The following MYH7 variants were observed in gnomAD, a reference collection of about 807,000 sequenced individuals.
MYH7 encodes the protein myosin heavy chain 7.
Under a neutral mutation model 225.4 loss-of-function variants are expected in MYH7, and 129 were observed. The ratio of observed to expected loss-of-function variants is 0.57; its 90% CI spans 0.50 to 0.66. The LOEUF is 0.66. MYH7 is among the 30% of genes least tolerant of loss of function. MYH7 has a pLI of 0.00. For synonymous variants in MYH7, 971 were observed against 1,007.6 expected (o/e 0.96, Z 0.69); for missense variants, 1,649 against 2,517.0 (o/e 0.66, Z 7.38).
Position 23,417,337 on chromosome 14 carries a change from C to G in MYH7, c.4354-19G>C. 1 of 1,613,036 alleles carries G rather than the reference C, an allele frequency of 6.2e-7. No individual in the cohort carries two copies. Among genetic ancestry groups the G allele is most frequent in the Non-Finnish European group, 8.5e-7 (1 of 1,180,010 alleles). ...CCAGGATCTGCCCGGGGACAAGGCT[C>G]ACTCTTCAGCCCCCCAGCCTCAGCC... On this transcript the variant is annotated intron_variant, in intron 31 of 39. Coordinates refer to ENST00000355349, the MANE Select transcript of MYH7 (RefSeq NM_000257.4).
rs1419686110 is a variant in MYH7, at chr14:23,425,629, A to T, written c.2286+66T>A. 1 of 1,611,924 alleles carries T rather than the reference A, an allele frequency of 6.2e-7. No individual in the cohort carries two copies. The highest frequency in any genetic ancestry group is 2.2e-5 in the East Asian group (1 of 44,880). ...ATTTTGCTAAGATGATTACAACAGG[A>T]AAAGCATCAGAGGAGTCAATGGAAA... On this transcript the variant is annotated intron_variant, in intron 20 of 39. Coordinates refer to ENST00000355349, the MANE Select transcript of MYH7 (RefSeq NM_000257.4). This position sits in a 1 kb window ranked among gnomAD's most constrained non-coding sequence, Gnocchi z 4.6.
Position 23,415,329 on chromosome 14 carries a change from A to T in MYH7, c.5283+52T>A. 6.2e-7 allele frequency: 1 copy of T among 1,614,226 alleles called. No individual in the cohort carries two copies. The highest frequency in any genetic ancestry group is 1.1e-5 in the South Asian group (1 of 91,084). On this transcript the variant is annotated intron_variant, in intron 36 of 39. Coordinates refer to ENST00000355349, the MANE Select transcript of MYH7 (RefSeq NM_000257.4). The surrounding 1 kb of genome is among the most constrained non-coding windows in gnomAD (Gnocchi z 6.3). ...TCAAGTCCTCACACACTTGCTGCCCAGCCCACGGAGAGACACTGGTCTGGA... is the reference window on the plus strand; with the variant it reads ...TCAAGTCCTCACACACTTGCTGCCCTGCCCACGGAGAGACACTGGTCTGGA...
At chr14:23,417,369 C>G in intron 31 of MYH7, 51 bp from the exon 32 acceptor site, 1 of 1,612,146 alleles carries the variant, frequency 6.2e-7, no homozygotes. Context: ...AGCCCCATGT[C>G]CAGGGTCTGT....
chr14:23,430,821 T>C lies in MYH7; in HGVS notation c.895+80A>G. 2.3e-6 allele frequency: 3 copies of C among 1,325,326 alleles called. No homozygotes were observed. In the South Asian group the frequency reaches 3.5e-5, roughly 16 times the overall value. The allele number at this position is 1,325,326 out of a possible 1,614,324, so 82.1% of individuals were successfully genotyped here. A position where few individuals can be genotyped will look rare whatever the true frequency, so the allele number is the denominator to read the frequency against. On this transcript the variant is annotated intron_variant, in intron 10 of 39. Coordinates refer to ENST00000355349, the MANE Select transcript of MYH7 (RefSeq NM_000257.4). The stretch of plus-strand genomic sequence containing the variant: ...CAGCAGTGCCATGAAACCCAGGGCA[T>C]GCCAGCTGAGTCCAGCCACAAGCAG...
At chr14:23,431,527 A>G (rs1221358270) in intron 8 of MYH7, 46 bp from the exon 9 acceptor site, 1 of 1,613,766 alleles carries the variant, frequency 6.2e-7, no homozygotes, top group Admixed American at 1.7e-5. Context: ...GAAGGCTCAT[A>G]TCTGAGACCA....
Position 23,415,908 on chromosome 14 carries a change from C to G in MYH7, c.4954-76G>C. 1.9e-6 allele frequency: 3 copies of G among 1,613,316 alleles called. No individual in the cohort carries two copies. Among genetic ancestry groups the G allele is most frequent in the Admixed American group, 3.3e-5 (2 of 59,894 alleles). On this transcript the variant is annotated intron_variant, in intron 34 of 39. Coordinates refer to ENST00000355349, the MANE Select transcript of MYH7 (RefSeq NM_000257.4). The surrounding 1 kb of genome is among the most constrained non-coding windows in gnomAD (Gnocchi z 6.3). The stretch of plus-strand genomic sequence containing the variant: ...CACTAAAGGCACCTGTCAGAGGTCC[C>G]TGCAGTAACCTAGGGGCAGGAGGAA...
chr14:23,416,963 C>G lies in MYH7; in HGVS notation c.4549G>C (p.Gly1517Arg). ...TCATGGATAGTCTTTCCGCTGGAACCCAACTGCTCAGTCAAGTCGGAGATC... is the reference window on the plus strand; with the variant it reads ...TCATGGATAGTCTTTCCGCTGGAACGCAACTGCTCAGTCAAGTCGGAGATC... ...EEISDLTEQL[G>R]SSGKTIHELE... The change falls in exon 33 of 40, where the codon GGT (glycine) becomes CGT (arginine). Residue 1517 changes from glycine to arginine, a missense_variant. Gly to Arg is a moderately radical substitution (Grantham distance 125). Transcript: ENST00000355349. 6.2e-7 allele frequency: 1 copy of G among 1,614,242 alleles called. No homozygotes were observed. The highest frequency in any genetic ancestry group is 8.5e-7 in the Non-Finnish European group (1 of 1,180,050).
intron 37 of MYH7, 91 bp from the exon 38 acceptor site, chr14:23,414,193 G>T: frequency 2.7e-6 from 3 of 1,099,116 alleles, no homozygotes; most frequent in South Asian, 1.3e-5. Flanking sequence ...CTGATATCCT[G>T]ACCCAATTCT....
chr14:23,423,436 AACACACACACACACACACAC>A (rs61677533), intron 24 of MYH7, 91 bp downstream of exon 24: 144 of 825,044 alleles, frequency 1.7e-4, no homozygotes, highest in East Asian at 1.5e-3. Context: ...CATAAACACA[AACACACACACACACACACAC>A]ACACACACAC....
chr14:23,415,433 G>T lies in MYH7; in HGVS notation c.5231C>A (p.Ala1744Glu), dbSNP rs752406339. ...LSQLQTEVEE[A>E]VQECRNAEEK... ...CTCAGCATTCCTGCACTCCTGCACT[G>T]CCTCCTCCACTTCAGTCTGGAGCTG... Residue 1744 changes from alanine (A) to glutamate (E), a missense_variant, in exon 36 of 40, where the codon GCA becomes GAA. Physicochemically the swap from Ala to Glu is moderately radical, Grantham distance 107 (BLOSUM62 -1). Coordinates refer to ENST00000355349, the MANE Select transcript of MYH7 (RefSeq NM_000257.4). The surrounding 1 kb of genome is among the most constrained non-coding windows in gnomAD (Gnocchi z 6.3). 1.2e-6 allele frequency: 2 copies of T among 1,614,230 alleles called. No homozygotes were observed. Among genetic ancestry groups the T allele is most frequent in the South Asian group, 2.2e-5 (2 of 91,078 alleles).
At chr14:23,418,072 G>T (rs966824686) in intron 30 of MYH7, 138 bp downstream of exon 30, 1 of 1,290,300 alleles carries the variant, frequency 7.8e-7, no homozygotes, top group Non-Finnish European at 1.1e-6. Context: ...GGAGAAGGAG[G>T]TGGGGCCGGG....
chr14:23,417,469 T>C, intron 31 of MYH7, 34 bp downstream of exon 31: 3 of 1,612,236 alleles, frequency 1.9e-6, no homozygotes, highest in Non-Finnish European at 2.5e-6. Context: ...CCCCTTGCCC[T>C]GCATGCTGGC....
At chr14:23,417,837 C>G in intron 30 of MYH7, 151 bp from the exon 31 acceptor site, 1 of 1,132,714 alleles carries the variant, frequency 8.8e-7, no homozygotes, top group Non-Finnish European at 1.3e-6. Flanking sequence ...CCGAGAACAT[C>G]AGGCAGAGGA....
At chr14:23,418,477 C>T (rs1892327277) in intron 29 of MYH7, 71 bp from the exon 30 acceptor site, 2 of 1,492,746 alleles carry the variant, frequency 1.3e-6, no homozygotes, top group South Asian at 1.3e-5. Flanking sequence ...TGCCCTTCTC[C>T]TCACCCCAAT....
At chr14:23,423,481 A>G (rs2138662078) in intron 24 of MYH7, 66 bp downstream of exon 24, 1 of 1,554,784 alleles carries the variant, frequency 6.4e-7, no homozygotes, top group Non-Finnish European at 8.9e-7. Flanking sequence ...ACACACACAC[A>G]CACACAGAGC....
chr14:23,433,891 C>T lies in MYH7; in HGVS notation c.-8-151G>A, dbSNP rs1893052671. On this transcript the variant is annotated intron_variant, in intron 2 of 39. Transcript: ENST00000355349. The surrounding 1 kb of genome is among the most constrained non-coding windows in gnomAD (Gnocchi z 4.1). ...GAGTCCCTTCCTCTTTGAGGTTACC[C>T]CTTAACCAGAGGAGCAGCCTAGCAA... Among the ~76,000 whole-genome samples the T allele has an allele frequency of 6.6e-6, 1 of 152,218 alleles. No homozygotes were observed.
Position 23,419,721 on chromosome 14 carries a change from G to A in MYH7, c.3727-112C>T, listed in dbSNP as rs1006169470. The stretch of plus-strand genomic sequence containing the variant: ...GAGGGAAGGTGTGAAAAGAAGGAGG[G>A]GATCTGAGAACCAGGCAGAGGAAGG... On this transcript the variant is annotated intron_variant, in intron 27 of 39. Coordinates refer to ENST00000355349, the MANE Select transcript of MYH7 (RefSeq NM_000257.4). 8 of 1,611,380 alleles carry A rather than the reference G, an allele frequency of 5.0e-6. No individual in the cohort carries two copies. In the Admixed American group the frequency reaches 1.3e-4, roughly 27 times the overall value.
intron 39 of MYH7, among the ~76,000 whole-genome samples, 198 bp from the exon 40 acceptor site, chr14:23,413,069 T>C (rs951716407): frequency 6.6e-6 from 1 of 151,970 alleles, no homozygotes; most frequent in Admixed American, 6.6e-5. Flanking sequence ...GGTTCTGGGG[T>C]TGGTCAGAGG....
intron 29 of MYH7, 53 bp downstream of exon 29, chr14:23,419,124 G>A (rs1387205197): frequency 6.8e-7 from 1 of 1,470,766 alleles, no homozygotes; most frequent in Admixed American, 1.7e-5. Flanking sequence ...TTTGATGCAA[G>A]GCTAGTCAGT....
Sources: gnomAD v4.1 joint callset for allele counts (sites outside exome capture counted in the v4.1 genomes callset) on GRCh38, gnomAD v4.1.1 for gene constraint, Gnocchi (gnomAD v3.1) non-coding constraint, MANE v1.5 for transcripts, NCBI Gene and HGNC (gene_info 2026-07-23, HGNC 2026-07-21) for gene names.